GRM1: variants seen among roughly 807,000 people sequenced by gnomAD.
The protein encoded by GRM1 is metabotropic glutamate receptor 1.
In GRM1, 33 loss-of-function variants were observed where a neutral mutation model predicts 90.9. The ratio of observed to expected loss-of-function variants is 0.36; its 90% CI spans 0.28 to 0.49. The LOEUF (loss-of-function observed/expected upper bound fraction) is 0.49. Ranked by LOEUF, GRM1 falls within the 20% of genes least tolerant of loss-of-function variation. The pLI, the probability that GRM1 is intolerant of heterozygous loss-of-function variation, is 0.99. For synonymous variants in GRM1, 700 were observed against 613.2 expected, an observed-to-expected ratio of 1.14 and a Z score of -2.09; for missense variants, 1,190 against 1,534.3, an observed-to-expected ratio of 0.78 and a Z score of 3.75.
At chr6:146,249,079 C>G (rs559191095) in intron 2 of GRM1, among the ~76,000 whole-genome samples, 1 of 152,108 alleles carries the variant, frequency 6.6e-6, no homozygotes, top group Non-Finnish European at 1.5e-5. Context: ...CATGCATTCA[C>G]AAGAAAATGG....
upstream of GRM1, among the ~76,000 whole-genome samples, chr6:146,028,147 G>A (rs533849319): frequency 4.6e-5 from 7 of 152,216 alleles, no homozygotes; most frequent in East Asian, 1.2e-3. Context: ...GTCCCCAAGC[G>A]GGTGGGTTTG....
At chr6:146,325,386 C>A in intron 3 of GRM1, among the ~76,000 whole-genome samples, 1 of 152,190 alleles carries the variant, frequency 6.6e-6, no homozygotes, top group Non-Finnish European at 1.5e-5. Flanking sequence ...AAACCAATAT[C>A]ATCTTTTCTA....
intron 1 of GRM1, among the ~76,000 whole-genome samples, chr6:146,142,817 G>T (rs1776936359): frequency 6.6e-6 from 1 of 152,096 alleles, no homozygotes; most frequent in African/African-American, 2.4e-5. Context: ...CCCAGGGAAG[G>T]TTGAGAAATT....
At chr6:146,221,271 C>T (rs1780052838) in intron 2 of GRM1, among the ~76,000 whole-genome samples, 1 of 152,030 alleles carries the variant, frequency 6.6e-6, no homozygotes, top group African/African-American at 2.4e-5. Flanking sequence ...ATGCACGTTC[C>T]ATGGTGGTTT....
intron 2 of GRM1, among the ~76,000 whole-genome samples, chr6:146,256,777 G>A (rs1272665833): frequency 6.6e-6 from 1 of 152,052 alleles, no homozygotes; most frequent in Non-Finnish European, 1.5e-5. Flanking sequence ...ACTGTGGTCC[G>A]TCCTATACAA....
chr6:146,303,770 C>CATA (rs1783477116), intron 2 of GRM1, among the ~76,000 whole-genome samples: 1 of 152,140 alleles, frequency 6.6e-6, no homozygotes, highest in South Asian at 2.1e-4. Flanking sequence ...CAGTGTCTCT[C>CATA]ATATGTTGTA....
intron 3 of GRM1, among the ~76,000 whole-genome samples, chr6:146,333,769 T>C (rs1192214433): frequency 1.3e-5 from 2 of 152,074 alleles, no homozygotes; most frequent in African/African-American, 4.8e-5. Context: ...AGATAATCCT[T>C]TCCTTATTTT....
At chr6:146,051,884 G>A (rs776749310) in intron 1 of GRM1, among the ~76,000 whole-genome samples, 1 of 151,976 alleles carries the variant, frequency 6.6e-6, no homozygotes, top group African/African-American at 2.4e-5. Flanking sequence ...ACAAGGTTGC[G>A]ATTTGAAAAG....
intron 1 of GRM1, among the ~76,000 whole-genome samples, chr6:146,037,561 C>T (rs887869157): frequency 3.9e-5 from 6 of 151,920 alleles, no homozygotes; most frequent in African/African-American, 1.4e-4. Context: ...CTGTGTCTTT[C>T]CAACTTTGCT....
At chr6:146,124,383 T>C (rs1456868329) in intron 1 of GRM1, among the ~76,000 whole-genome samples, 1 of 152,218 alleles carries the variant, frequency 6.6e-6, no homozygotes, top group Non-Finnish European at 1.5e-5. Flanking sequence ...ATTAAATGTT[T>C]GCACTGATTT....
At chr6:146,349,933 C>T (rs1486642090) in intron 3 of GRM1, among the ~76,000 whole-genome samples, 1 of 152,130 alleles carries the variant, frequency 6.6e-6, no homozygotes, top group Non-Finnish European at 1.5e-5. Flanking sequence ...GAAGATAAGA[C>T]ACAGTTAGAA....
Position 146,030,137 on chromosome 6 carries a change from C to T in GRM1, c.620C>T (p.Ser207Phe). The T allele has an allele frequency of 6.2e-7, 1 of 1,614,146 alleles. No homozygotes were observed. Among genetic ancestry groups the T allele is most frequent in the Non-Finnish European group, 8.5e-7 (1 of 1,179,972 alleles). The change falls in exon 1 of 8, where the codon TCT (serine) becomes TTT (phenylalanine). Residue 207 changes from serine to phenylalanine, a missense_variant. This residue lies in a region of GRM1 where 46 missense variants were observed against 116.1 expected (regional missense o/e 0.40). Coordinates refer to ENST00000282753, the MANE Select transcript of GRM1 (RefSeq NM_001278064.2). ...LYKYFLRVVP[S>F]DTLQARAMLD... is the part of the protein sequence containing the mutation. ...AAATACTTCCTGAGGGTTGTCCCTT[C>T]TGACACTTTGCAGGCAAGGGCCATG...
intron 1 of GRM1, among the ~76,000 whole-genome samples, chr6:146,119,840 G>A (rs1775912619): frequency 6.6e-6 from 1 of 152,128 alleles, no homozygotes; most frequent in Non-Finnish European, 1.5e-5. Flanking sequence ...TTTGGCTACT[G>A]TAGCCTTGTA....
chr6:146,431,312 C>G (rs78367593), intron 7 of GRM1, among the ~76,000 whole-genome samples: 1 of 152,056 alleles, frequency 6.6e-6, no homozygotes, highest in Non-Finnish European at 1.5e-5. Flanking sequence ...TTAATTAAAA[C>G]AGAACTAAAT....
chr6:146,080,343 A>G (rs1776322643), intron 1 of GRM1, among the ~76,000 whole-genome samples: 1 of 152,070 alleles, frequency 6.6e-6, no homozygotes, highest in Non-Finnish European at 1.5e-5. Context: ...TTCTGCCTTC[A>G]CTGCTTCAAT....
intron 1 of GRM1, among the ~76,000 whole-genome samples, chr6:146,131,684 A>G (rs1024988249): frequency 6.6e-6 from 1 of 152,224 alleles, no homozygotes; most frequent in Non-Finnish European, 1.5e-5. Flanking sequence ...ATTTAACAGA[A>G]GTTATTGAAT....
At chr6:146,229,554 T>C (rs1371819282) in intron 2 of GRM1, among the ~76,000 whole-genome samples, 2 of 151,996 alleles carry the variant, frequency 1.3e-5, no homozygotes, top group Non-Finnish European at 2.9e-5. Context: ...CTTTACCCAC[T>C]GAGTAAACTT....
intron 1 of GRM1, among the ~76,000 whole-genome samples, chr6:146,108,889 G>C (rs1562468188): frequency 3.3e-5 from 5 of 152,196 alleles, no homozygotes; most frequent in Admixed American, 2.0e-4. Context: ...AAAGAAACTG[G>C]TGGTATTTTG....
intron 2 of GRM1, among the ~76,000 whole-genome samples, chr6:146,285,889 C>T (rs1400018159): frequency 6.6e-6 from 1 of 152,062 alleles, no homozygotes; most frequent in Non-Finnish European, 1.5e-5. Flanking sequence ...TCTTAGTACG[C>T]CTGGAAAATT....
Sources: allele counts gnomAD v4.1 joint callset (sites outside exome capture counted in the v4.1 genomes callset), GRCh38; gene constraint gnomAD v4.1.1; regional missense constraint gnomAD v4.1.1; transcripts MANE v1.5; gene names NCBI Gene and HGNC (gene_info 2026-07-23, HGNC 2026-07-21).